Variants in TCF12 observed in about 807,000 individuals in gnomAD.
The protein encoded by TCF12 is DNA-binding protein HTF4.
A neutral mutation model predicts 86.0 loss-of-function variants in TCF12; 45 were observed. That is an observed-to-expected ratio of 0.52 (90% CI 0.41 to 0.67). The LOEUF (loss-of-function observed/expected upper bound fraction) is 0.67. Ranked by LOEUF, TCF12 falls within the 30% of genes least tolerant of loss-of-function variation. The pLI, the probability that TCF12 is intolerant of heterozygous loss-of-function variation, is 0.00. For missense variants in TCF12, 881 were observed against 859.9 expected, an observed-to-expected ratio of 1.02 and a Z score of -0.31; for synonymous variants, 330 against 299.6, an observed-to-expected ratio of 1.10 and a Z score of -1.05.
chr15:57,118,735 A>G (rs1233087320), intron 5 of TCF12, among the ~76,000 whole-genome samples: 5 of 152,050 alleles, frequency 3.3e-5, no homozygotes, highest in African/African-American at 4.8e-5. Context: ...TTTCTTTTCC[A>G]GTTTTTCTTG....
intron 3 of TCF12, among the ~76,000 whole-genome samples, chr15:56,939,745 G>A (rs2060640361): frequency 1.3e-5 from 2 of 152,110 alleles, no homozygotes; most frequent in South Asian, 4.1e-4. Context: ...GCATGGTGAG[G>A]CTTTAAGGAA....
chr15:57,058,345 A>T (rs1027925411), intron 3 of TCF12, among the ~76,000 whole-genome samples: 2 of 152,220 alleles, frequency 1.3e-5, no homozygotes, highest in African/African-American at 4.8e-5. Flanking sequence ...AGTAACAATA[A>T]TATAGCAAAA....
At chr15:56,965,266 A>T (rs1187088514) in intron 3 of TCF12, among the ~76,000 whole-genome samples, 1 of 152,182 alleles carries the variant, frequency 6.6e-6, no homozygotes, top group African/African-American at 2.4e-5. Flanking sequence ...AGAAGTAAAT[A>T]TTGGTAAAAA....
intron 5 of TCF12, among the ~76,000 whole-genome samples, chr15:57,130,453 AT>A (rs1481404703): frequency 2.0e-5 from 3 of 152,182 alleles, no homozygotes; most frequent in Non-Finnish European, 4.4e-5. Flanking sequence ...AAAAAATAGA[AT>A]CTTTTTAGAC....
chr15:57,286,764 C>T lies in TCF12; in HGVS notation c.*619C>T, dbSNP rs1158590290. On this transcript the variant is annotated 3_prime_UTR_variant, in exon 21 of 21. Transcript: ENST00000333725. ...TTTTCCATGAAATAGGAAAATATTA[C>T]TTGGTATAGCATTTCTCTTGCTCTC... is the stretch of plus-strand genomic sequence containing the variant. 1 of 420,982 alleles carries T rather than the reference C, an allele frequency of 2.4e-6. No individual in the cohort carries two copies. The highest frequency in any genetic ancestry group is 4.7e-6 in the Non-Finnish European group (1 of 213,328). 26.1% of individuals were successfully genotyped at this position (420,982 alleles called of 1,614,324 possible).
chr15:57,267,892 TC>T (rs2060943944), intron 18 of TCF12, among the ~76,000 whole-genome samples: 1 of 152,208 alleles, frequency 6.6e-6, no homozygotes, highest in Non-Finnish European at 1.5e-5. Flanking sequence ...AAGGAGACTT[TC>T]TGTTACAGGA....
intron 3 of TCF12, among the ~76,000 whole-genome samples, chr15:57,054,773 CTTTTTTTT>C (rs35859330): frequency 1.2e-4 from 3 of 24,164 alleles, no homozygotes; most frequent in Non-Finnish European, 2.6e-4. Flanking sequence ...AATGCCTCTG[CTTTTTTTT>C]TTTTTTTTTT....
chr15:57,086,387 C>T (rs1286232097), intron 4 of TCF12, among the ~76,000 whole-genome samples: 9 of 151,634 alleles, frequency 5.9e-5, no homozygotes, highest in Admixed American at 5.9e-4. Flanking sequence ...GATAAGGAAA[C>T]TGAGATAAGA....
At chr15:57,227,744 T>C (rs2058955940) in intron 8 of TCF12, among the ~76,000 whole-genome samples, 1 of 152,086 alleles carries the variant, frequency 6.6e-6, no homozygotes, top group South Asian at 2.1e-4. Context: ...TATAAGTGCT[T>C]GGGAAAAGAG....
Position 56,938,045 on chromosome 15 carries a change from C to CTT in TCF12, c.148+16961_148+16962dup, listed in dbSNP as rs370916527. ...TTTCTTTTTTTTTTTCGTTTCTTTT[C>CTT]TTTTTTTTTTTTTTTGAGACAGATA... On this transcript the variant is annotated intron_variant, in intron 3 of 20. Transcript: ENST00000333725. Among the ~76,000 whole-genome samples the CTT allele has an allele frequency of 6.8e-4, 21 of 30,696 alleles. 3 individuals are homozygous for CTT. Among genetic ancestry groups the CTT allele is most frequent in the East Asian group, 3.1e-3 (4 of 1,270 alleles). The allele number at this position is 30,696 out of a possible 152,430, so 20.1% of individuals were successfully genotyped here.
chr15:57,030,609 A>C (rs1269330138), intron 3 of TCF12, among the ~76,000 whole-genome samples: 1 of 152,206 alleles, frequency 6.6e-6, no homozygotes, highest in South Asian at 2.1e-4. Context: ...ATATGTGGAC[A>C]TAATTGAAAA....
At chr15:57,123,851 G>A (rs1021316104) in intron 5 of TCF12, among the ~76,000 whole-genome samples, 5 of 151,614 alleles carry the variant, frequency 3.3e-5, no homozygotes, top group African/African-American at 7.3e-5. Context: ...TCCAAGCTAC[G>A]CAGGAGGCTG....
At chr15:57,192,631 GC>G (rs1208631520) in intron 7 of TCF12, among the ~76,000 whole-genome samples, 1 of 152,014 alleles carries the variant, frequency 6.6e-6, no homozygotes, top group East Asian at 1.9e-4. Context: ...CAAGTGATCT[GC>G]CCACCTCAGC....
intron 5 of TCF12, among the ~76,000 whole-genome samples, chr15:57,164,763 C>G (rs1258562247): frequency 6.6e-6 from 1 of 152,194 alleles, no homozygotes; most frequent in Non-Finnish European, 1.5e-5. Flanking sequence ...TGACCACAAC[C>G]TCTGCCTCCT....
chr15:57,007,786 CTTTCTCTCTT>C lies in TCF12; in HGVS notation c.149-55962_149-55953del, dbSNP rs2064494525. The stretch of plus-strand genomic sequence containing the variant: ...TCTTTCTTTCTTTCTTTCTTTCTTT[CTTTCTCTCTT>C]TCTTTCTTTCTTTCTTTCTTTCTTT... On this transcript the variant is annotated intron_variant, in intron 3 of 20. Transcript: ENST00000333725. 6.6e-3 allele frequency among the ~76,000 whole-genome samples: 157 copies of C among 23,946 alleles called. 1 individual carries two copies. Among genetic ancestry groups the C allele is most frequent in the African/African-American group, 0.014 (153 of 11,012 alleles). 15.7% of individuals were successfully genotyped at this position (23,946 alleles called of 152,430 possible). A position where few individuals can be genotyped will look rare whatever the true frequency, so the allele number is the denominator to read the frequency against.
At chr15:56,990,493 T>C (rs1322362039) in intron 3 of TCF12, among the ~76,000 whole-genome samples, 1 of 152,122 alleles carries the variant, frequency 6.6e-6, no homozygotes, top group Non-Finnish European at 1.5e-5. Context: ...TTCGTGGTGC[T>C]TATATTTTAC....
chr15:57,018,244 T>A (rs2065265681), intron 3 of TCF12, among the ~76,000 whole-genome samples: 1 of 152,192 alleles, frequency 6.6e-6, no homozygotes, highest in Admixed American at 6.5e-5. Flanking sequence ...GGTGGACTGA[T>A]ACAAAGTTGT....
intron 16 of TCF12, among the ~76,000 whole-genome samples, chr15:57,257,092 C>T (rs2152036185): frequency 6.6e-6 from 1 of 152,354 alleles, no homozygotes. Flanking sequence ...ATGGGCACGG[C>T]TGTATTCCAA....
rs71779436 is a variant in TCF12 at position 57,289,602 on chromosome 15, C to CGTGTGTGT, written c.*3472_*3479dup. ...GGAAACTCAAAATTTAAACACACGT[C>CGTGTGTGT]GTGTGTGTGTGTGTGTGTGTGTCTG... On this transcript the variant is annotated 3_prime_UTR_variant, in exon 21 of 21. Transcript: ENST00000333725. 2 of 149,850 alleles carry CGTGTGTGT rather than the reference C, an allele frequency of 1.3e-5. No homozygotes were observed. Among genetic ancestry groups the CGTGTGTGT allele is most frequent in the African/African-American group, 4.9e-5 (2 of 40,918 alleles). The allele number at this position is 149,850 out of a possible 1,614,324, so 9.3% of individuals were successfully genotyped here. A position where few individuals can be genotyped will look rare whatever the true frequency, so the allele number is the denominator to read the frequency against.
Sources: gnomAD v4.1 joint callset for allele counts (sites outside exome capture counted in the v4.1 genomes callset) on GRCh38, gnomAD v4.1.1 for gene constraint, MANE v1.5 for transcripts, NCBI Gene and HGNC (gene_info 2026-07-23, HGNC 2026-07-21) for gene names.